Variants in GRM7 observed in about 807,000 individuals in gnomAD.
The protein encoded by GRM7 is glutamate metabotropic receptor 7, also known as metabotropic glutamate receptor 7.
Under a neutral mutation model 84.5 loss-of-function variants are expected in GRM7, and 35 were observed. That is an observed-to-expected ratio of 0.41 (90% CI 0.32 to 0.55). The LOEUF (loss-of-function observed/expected upper bound fraction) is 0.55, where lower values mean the gene tolerates loss of function less well. GRM7 is among the 20% of genes least tolerant of loss of function. GRM7 has a pLI of 0.19. For missense variants in GRM7, 1,003 were observed against 1,194.6 expected, an observed-to-expected ratio of 0.84 and a Z score of 2.36; for synonymous variants, 487 against 455.1, an observed-to-expected ratio of 1.07 and a Z score of -0.89.
chr3:6,890,954 T>C (rs1695913682), intron 1 of GRM7, among the ~76,000 whole-genome samples: 1 of 152,008 alleles, frequency 6.6e-6, no homozygotes, highest in Non-Finnish European at 1.5e-5. Context: ...AGTTAGCTCT[T>C]CTTATTGAAT....
intron 2 of GRM7, among the ~76,000 whole-genome samples, chr3:7,215,756 T>C (rs532217763): frequency 3.3e-5 from 5 of 152,272 alleles, no homozygotes; most frequent in Admixed American, 2.6e-4. Flanking sequence ...CATAAAAATG[T>C]CTTATGGGTC....
intron 8 of GRM7, among the ~76,000 whole-genome samples, chr3:7,676,560 G>A (rs1700130049): frequency 6.8e-6 from 1 of 146,224 alleles, no homozygotes; most frequent in Non-Finnish European, 1.5e-5. Flanking sequence ...CCAGATTCAA[G>A]TGATTCTCTT....
chr3:6,985,074 C>T (rs564099593), intron 1 of GRM7, among the ~76,000 whole-genome samples: 7 of 151,830 alleles, frequency 4.6e-5, no homozygotes, highest in Admixed American at 2.0e-4. Context: ...TCCTTTTTTT[C>T]GTTTTTTAAA....
chr3:7,104,027 T>C (rs551553545), intron 1 of GRM7, among the ~76,000 whole-genome samples: 28 of 151,718 alleles, frequency 1.8e-4, no homozygotes, highest in African/African-American at 6.3e-4. Context: ...TAAACCCCAA[T>C]GTGAAGACAT....
At chr3:7,203,238 G>A (rs1696125497) in intron 2 of GRM7, among the ~76,000 whole-genome samples, 1 of 152,010 alleles carries the variant, frequency 6.6e-6, no homozygotes, top group Non-Finnish European at 1.5e-5. Flanking sequence ...CTAGCCTTTG[G>A]TATCTATCAT....
chr3:7,184,290 C>T (rs1193946984), intron 2 of GRM7, among the ~76,000 whole-genome samples: 2 of 152,136 alleles, frequency 1.3e-5, no homozygotes, highest in African/African-American at 2.4e-5. Flanking sequence ...CTTTCCTAGA[C>T]ATTGCCCCTA....
At chr3:6,888,451 G>T (rs1295972036) in intron 1 of GRM7, among the ~76,000 whole-genome samples, 1 of 151,974 alleles carries the variant, frequency 6.6e-6, no homozygotes, top group Admixed American at 6.6e-5. Flanking sequence ...TCTACATATG[G>T]CTGGCCAGTT....
intron 2 of GRM7, among the ~76,000 whole-genome samples, chr3:7,264,210 C>A (rs559597894): frequency 1.3e-5 from 2 of 152,264 alleles, no homozygotes; most frequent in South Asian, 2.1e-4. Flanking sequence ...GTCTCATGGG[C>A]AAGACCGCCC....
At chr3:7,338,142 A>C (rs552607822) in intron 4 of GRM7, among the ~76,000 whole-genome samples, 57 of 148,774 alleles carry the variant, frequency 3.8e-4, no homozygotes, top group African/African-American at 1.0e-3. Flanking sequence ...ACACACACAC[A>C]CCCCATGGAA....
chr3:7,031,976 T>C (rs1229627810), intron 1 of GRM7, among the ~76,000 whole-genome samples: 2 of 152,186 alleles, frequency 1.3e-5, no homozygotes, highest in Non-Finnish European at 2.9e-5. Flanking sequence ...ACCTGTCCTC[T>C]AGCATTGATC....
At chr3:7,463,773 T>C (rs1698349106) in intron 7 of GRM7, among the ~76,000 whole-genome samples, 1 of 152,122 alleles carries the variant, frequency 6.6e-6, no homozygotes, top group African/African-American at 2.4e-5. Flanking sequence ...AGAGGAGATG[T>C]TGGAGCAATA....
At position 7,509,230 on chromosome 3, in the gene GRM7, A is replaced by C. The variant is rs181325589; in HGVS notation, c.1515+47508A>C. Among the ~76,000 whole-genome samples, 477 of 152,284 alleles carry C rather than the reference A, an allele frequency of 3.1e-3. 2 individuals are homozygous for C. Among genetic ancestry groups the C allele is most frequent in the African/African-American group, 0.011 (450 of 41,566 alleles). On this transcript the variant is annotated intron_variant, in intron 7 of 9. Transcript: ENST00000357716. Reference sequence around the variant, plus strand: ...AGATATTTTGAGAGAGAGAGAGAACAAAAGAGAGACCACATTTATGTAACT... The same window carrying C: ...AGATATTTTGAGAGAGAGAGAGAACCAAAGAGAGACCACATTTATGTAACT...
At chr3:7,418,860 A>C (rs1450775445) in intron 5 of GRM7, among the ~76,000 whole-genome samples, 1 of 152,224 alleles carries the variant, frequency 6.6e-6, no homozygotes, top group East Asian at 1.9e-4. Context: ...CCATAACCAC[A>C]CATGCCTGTG....
At chr3:7,726,633 A>ACGC (rs1559507919) in intron 9 of GRM7, among the ~76,000 whole-genome samples, 1 of 91,758 alleles carries the variant, frequency 1.1e-5, no homozygotes, top group African/African-American at 3.9e-5. Flanking sequence ...ATATATATAT[A>ACGC]TATATATATA....
chr3:7,146,411 C>A, intron 1 of GRM7, 41 bp from the exon 2 acceptor site: 1 of 1,405,646 alleles, frequency 7.1e-7, no homozygotes, highest in Non-Finnish European at 1.0e-6. Flanking sequence ...CTCTTACATC[C>A]TGACGGTGCA....
At chr3:7,241,320 T>C (rs1035266654) in intron 2 of GRM7, among the ~76,000 whole-genome samples, 2 of 152,182 alleles carry the variant, frequency 1.3e-5, no homozygotes, top group Non-Finnish European at 2.9e-5. Flanking sequence ...GTGGTCACTG[T>C]CTGCGTTGTC....
At chr3:7,432,348 T>C (rs1696864105) in intron 5 of GRM7, among the ~76,000 whole-genome samples, 1 of 152,200 alleles carries the variant, frequency 6.6e-6, no homozygotes. Context: ...GGAAACCGAT[T>C]CTTGCTCTGT....
chr3:7,313,611 AT>A (rs535026089), intron 4 of GRM7, among the ~76,000 whole-genome samples: 30 of 152,116 alleles, frequency 2.0e-4, no homozygotes, highest in African/African-American at 6.5e-4. Flanking sequence ...CAAAATGATG[AT>A]TTTTTTAAAA....
intron 2 of GRM7, among the ~76,000 whole-genome samples, chr3:7,286,634 C>A (rs1699440723): frequency 6.6e-6 from 1 of 152,000 alleles, no homozygotes; most frequent in Admixed American, 6.6e-5. Context: ...TTTTGTGACC[C>A]CAAACATAAG....
Sources: allele counts gnomAD v4.1 joint callset (sites outside exome capture counted in the v4.1 genomes callset), GRCh38; gene constraint gnomAD v4.1.1; transcripts MANE v1.5; gene names NCBI Gene and HGNC (gene_info 2026-07-23, HGNC 2026-07-21).